ARMC2: variants seen among roughly 807,000 people sequenced by gnomAD.
ARMC2 encodes the protein armadillo repeat containing 2.
Under a neutral mutation model 90.3 loss-of-function variants are expected in ARMC2, and 67 were observed. The observed-to-expected ratio is 0.74, with a 90% CI of 0.61 to 0.91. The LOEUF is 0.91. Among genes scored for constraint, ARMC2 ranks in the 40% least tolerant of loss-of-function variants. The probability of loss-of-function intolerance (pLI) is 0.00; values close to 1 mark genes in which losing one functional copy is unlikely to be tolerated. For missense variants in ARMC2, 920 were observed against 1,030.9 expected (o/e 0.89, Z 1.47); for synonymous variants, 393 against 393.0 (o/e 1.00, Z 0.00).
chr6:108,900,731 C>T (rs1428732285), intron 7 of ARMC2, among the ~76,000 whole-genome samples: 1 of 152,152 alleles, frequency 6.6e-6, no homozygotes, highest in Non-Finnish European at 1.5e-5. Context: ...GGGTTCTGGT[C>T]CCGGTGCTGC....
chr6:108,952,993 C>A, intron 12 of ARMC2, 40 bp from the exon 13 acceptor site: 1 of 1,526,780 alleles, frequency 6.5e-7, no homozygotes, highest in Non-Finnish European at 8.9e-7. Context: ...TGTGTTCCAG[C>A]CCCCTTTGCA....
chr6:109,023,137 CATCTCTCAATAT>C, the ARMC2 span, among the ~76,000 whole-genome samples: 1 of 152,202 alleles, frequency 6.6e-6, no homozygotes, highest in East Asian at 1.9e-4. Context: ...TGTTCTATAA[CATCTCTCAATAT>C]ATCTTCTCCC....
At chr6:108,906,210 A>T (rs1184086825) in intron 8 of ARMC2, among the ~76,000 whole-genome samples, 1 of 152,136 alleles carries the variant, frequency 6.6e-6, no homozygotes, top group African/African-American at 2.4e-5. Context: ...CTATATTAAG[A>T]TTTTTTAAAG....
the ARMC2 span, chr6:109,000,266 CAA>C: frequency 2.8e-6 from 1 of 360,610 alleles, no homozygotes; most frequent in East Asian, 4.2e-5. Flanking sequence ...CGATACAATG[CAA>C]AGACTGAACC....
intron 6 of ARMC2, among the ~76,000 whole-genome samples, chr6:108,898,726 T>A (rs1237647570): frequency 1.3e-5 from 2 of 152,204 alleles, no homozygotes; most frequent in Non-Finnish European, 2.9e-5. Context: ...CCCAGGCAGA[T>A]AACTTAATAC....
rs2128505390 is a variant in ARMC2 at position 108,953,363 on chromosome 6, A to G, written c.1915+12A>G. 1.9e-6 allele frequency: 3 copies of G among 1,587,748 alleles called. No homozygotes were observed. The highest frequency in any genetic ancestry group is 2.6e-6 in the Non-Finnish European group (3 of 1,169,666). On this transcript the variant is annotated intron_variant, in intron 13 of 17. Coordinates refer to ENST00000392644, the MANE Select transcript of ARMC2 (RefSeq NM_032131.6). ...CCTGACCACGCTGGGTGAGAACCGCAGCCCACTGGCTGCAGCAGACACAAC... is the reference window on the plus strand; with the variant it reads ...CCTGACCACGCTGGGTGAGAACCGCGGCCCACTGGCTGCAGCAGACACAAC...
chr6:108,916,428 G>A (rs2128475957), intron 10 of ARMC2, among the ~76,000 whole-genome samples: 1 of 152,352 alleles, frequency 6.6e-6, no homozygotes, highest in African/African-American at 2.4e-5. Context: ...AGGACAAGAT[G>A]CTCAGAGAAA....
At chr6:108,903,388 A>G (rs1217117846) in intron 7 of ARMC2, among the ~76,000 whole-genome samples, 1 of 152,000 alleles carries the variant, frequency 6.6e-6, no homozygotes, top group Non-Finnish European at 1.5e-5. Context: ...TTACAAAAAT[A>G]TTTTTATTCT....
chr6:108,949,370 A>G (rs954607309), intron 12 of ARMC2, among the ~76,000 whole-genome samples: 2 of 152,272 alleles, frequency 1.3e-5, no homozygotes, highest in Non-Finnish European at 2.9e-5. Context: ...ATTTGTATAT[A>G]TAAATGCTTA....
At chr6:108,890,215 A>AAAAC (rs1770854070) in intron 5 of ARMC2, among the ~76,000 whole-genome samples, 1 of 122,986 alleles carries the variant, frequency 8.1e-6, no homozygotes, top group Non-Finnish European at 1.7e-5. Context: ...AAAAAAAAAA[A>AAAAC]AAAAAAAAAA....
At chr6:108,944,504 G>A (rs908764421) in intron 12 of ARMC2, among the ~76,000 whole-genome samples, 4 of 152,170 alleles carry the variant, frequency 2.6e-5, no homozygotes, top group Non-Finnish European at 5.9e-5. Flanking sequence ...TACTCCTCAG[G>A]ACCCTTAGAG....
intron 5 of ARMC2, among the ~76,000 whole-genome samples, chr6:108,888,193 G>A (rs958455267): frequency 6.6e-6 from 1 of 152,206 alleles, no homozygotes; most frequent in African/African-American, 2.4e-5. Context: ...ATCATGTGAG[G>A]AACAGTAGAA....
intron 2 of ARMC2, among the ~76,000 whole-genome samples, chr6:108,855,530 C>A (rs903504086): frequency 6.6e-6 from 1 of 152,184 alleles, no homozygotes; most frequent in Non-Finnish European, 1.5e-5. Context: ...GGATTACAGG[C>A]GTGAGCGACC....
Position 108,899,614 on chromosome 6 carries a change from G to C in ARMC2, c.749-80G>C, listed in dbSNP as rs558632393. 21 of 989,808 alleles carry C rather than the reference G, an allele frequency of 2.1e-5. No homozygotes were observed. In the South Asian group the frequency reaches 3.0e-4, roughly 14 times the overall value. 61.3% of individuals were successfully genotyped at this position (989,808 alleles called of 1,614,324 possible). ...TCTCTAGTTTATTAATTGTAGTGAT[G>C]AATAGTAAAGGCTTTTGACCATGCT... On this transcript the variant is annotated intron_variant, in intron 6 of 17. Transcript: ENST00000392644.
intron 1 of ARMC2, among the ~76,000 whole-genome samples, chr6:108,853,630 C>A (rs1432266755): frequency 6.6e-6 from 1 of 152,094 alleles, no homozygotes; most frequent in Non-Finnish European, 1.5e-5. Flanking sequence ...ATGACTTTAA[C>A]TCTTTCAGGA....
At chr6:109,016,248 A>G in the ARMC2 span, among the ~76,000 whole-genome samples, 1 of 152,300 alleles carries the variant, frequency 6.6e-6, no homozygotes, top group African/African-American at 2.4e-5. Context: ...TAAAGTTTTA[A>G]AATCCAGTTG....
At chr6:108,978,246 TTTG>T (rs1779023261), downstream of ARMC2, among the ~76,000 whole-genome samples, 1 of 152,188 alleles carries the variant, frequency 6.6e-6, no homozygotes, top group South Asian at 2.1e-4. Flanking sequence ...CTGCCTTCAT[TTTG>T]TTATTTACCC....
chr6:108,887,675 C>G lies in ARMC2; in HGVS notation c.672-6792C>G, dbSNP rs530884523. On this transcript the variant is annotated intron_variant, in intron 5 of 17. Coordinates refer to ENST00000392644, the MANE Select transcript of ARMC2 (RefSeq NM_032131.6). ...AATTAGGTTTTTGTTATTTGTCGAT[C>G]AAGATATCATAAAGAACAAAACAGT... Among the ~76,000 whole-genome samples the G allele has an allele frequency of 2.0e-5, 3 of 152,212 alleles. No individual in the cohort carries two copies. The South Asian group carries it at 6.2e-4, about 32-fold the overall frequency.
chr6:108,892,118 T>C lies in ARMC2; in HGVS notation c.672-2349T>C, dbSNP rs76804561. Among the ~76,000 whole-genome samples, 638 of 152,288 alleles carry C rather than the reference T, an allele frequency of 4.2e-3. 3 individuals carry two copies. The highest frequency in any genetic ancestry group is 0.014 in the African/African-American group (598 of 41,556). On this transcript the variant is annotated intron_variant, in intron 5 of 17. Transcript: ENST00000392644. ...TTAGTTGAAAAGTATCTTGCTTGAT[T>C]TTAATAGTTGTGTAGGGCAGGTGTA... is the stretch of plus-strand genomic sequence containing the variant.
Sources: allele counts gnomAD v4.1 joint callset (sites outside exome capture counted in the v4.1 genomes callset), GRCh38; gene constraint gnomAD v4.1.1; transcripts MANE v1.5; gene names NCBI Gene and HGNC (gene_info 2026-07-23, HGNC 2026-07-21).